GSTO2: variants seen among roughly 807,000 people sequenced by gnomAD.
The protein encoded by GSTO2 is glutathione S-transferase omega-2.
In GSTO2, 23 loss-of-function variants were observed where a neutral mutation model predicts 28.4. The ratio of observed to expected loss-of-function variants is 0.81; its 90% CI spans 0.58 to 1.15. The LOEUF (loss-of-function observed/expected upper bound fraction) is 1.15. Among genes scored for constraint, GSTO2 ranks in the 50% most tolerant of loss-of-function variants. GSTO2 has a pLI of 0.00. For missense variants in GSTO2, 298 were observed against 297.8 expected (o/e 1.00, Z 0.00); for synonymous variants, 109 against 111.0 (o/e 0.98, Z 0.11).
At chr10:104,289,389 C>T (rs2012646337) in intron 5 of GSTO2, among the ~76,000 whole-genome samples, 2 of 152,222 alleles carry the variant, frequency 1.3e-5, no homozygotes, top group Non-Finnish European at 2.9e-5. Context: ...AGCCACCACA[C>T]CCAGCCCTAC....
At chr10:104,296,203 C>G (rs1007779210) in intron 5 of GSTO2, 3 of 152,014 alleles carry the variant, frequency 2.0e-5, no homozygotes, top group Admixed American at 1.3e-4. Flanking sequence ...GATTTACAGT[C>G]CCTCCGGGTT....
chr10:104,269,737 A>G (rs1345107484), intron 1 of GSTO2, among the ~76,000 whole-genome samples: 3 of 152,112 alleles, frequency 2.0e-5, no homozygotes, highest in Non-Finnish European at 4.4e-5. Flanking sequence ...TTGAACACTT[A>G]CTATGTATCA....
intron 5 of GSTO2, among the ~76,000 whole-genome samples, chr10:104,290,128 A>ACC (rs1484707861): frequency 2.6e-5 from 4 of 152,206 alleles, no homozygotes; most frequent in African/African-American, 9.6e-5. Context: ...AGATACCTGG[A>ACC]CCCTTATGTT....
At position 104,293,616 on chromosome 10, in the gene GSTO2, C is replaced by A. The variant is rs189540415; in HGVS notation, c.469-3962C>A. ...AAGGTCTTTCTCTAGAGTGCAGTGG[C>A]ATGTTCACAGCTTAGTGCAGCCTTG... On this transcript the variant is annotated intron_variant, in intron 5 of 6. Coordinates refer to ENST00000338595, the MANE Select transcript of GSTO2 (RefSeq NM_183239.2). Among the ~76,000 whole-genome samples the A allele has an allele frequency of 3.0e-5, 4 of 131,896 alleles. No homozygotes were observed. The East Asian group carries it at 8.6e-4, about 28-fold the overall frequency. The allele number at this position is 131,896 out of a possible 152,430, so 86.5% of individuals were successfully genotyped here. A position where few individuals can be genotyped will look rare whatever the true frequency, so the allele number is the denominator to read the frequency against.
chr10:104,296,628 A>G (rs906357005), intron 5 of GSTO2: 2 of 151,452 alleles, frequency 1.3e-5, no homozygotes, highest in African/African-American at 4.8e-5. Flanking sequence ...AAAAAAAAAA[A>G]AAAAAAAAAA....
intron 3 of GSTO2, 94 bp downstream of exon 3, chr10:104,275,428 C>G: frequency 7.2e-6 from 8 of 1,116,086 alleles, no homozygotes; most frequent in Non-Finnish European, 1.0e-5. Flanking sequence ...TCAGCTTTTA[C>G]AAGGGGCTCC....
intron 5 of GSTO2, among the ~76,000 whole-genome samples, chr10:104,291,902 A>G (rs1355699074): frequency 6.6e-6 from 1 of 152,192 alleles, no homozygotes; most frequent in African/African-American, 2.4e-5. Context: ...GGAAGGTACC[A>G]TGTTTGCATT....
At chr10:104,299,092 C>T (rs2013172070) in intron 6 of GSTO2, 36 bp from the exon 7 acceptor site, 1 of 1,594,080 alleles carries the variant, frequency 6.3e-7, no homozygotes, top group East Asian at 2.2e-5. Context: ...GATGCCTACC[C>T]CTGCACTGTG....
At chr10:104,291,058 GC>G (rs2012742714) in intron 5 of GSTO2, among the ~76,000 whole-genome samples, 1 of 152,196 alleles carries the variant, frequency 6.6e-6, no homozygotes, top group African/African-American at 2.4e-5. Flanking sequence ...AAAGATTTCT[GC>G]CCTGGAGTTG....
intron 5 of GSTO2, chr10:104,295,171 A>G (rs762135458): frequency 1.8e-4 from 27 of 152,226 alleles, no homozygotes; most frequent in Non-Finnish European, 3.8e-4. Context: ...TCTGGAATCC[A>G]TAAAAATGGA....
chr10:104,289,662 A>AC (rs1269463581), intron 5 of GSTO2, among the ~76,000 whole-genome samples: 1 of 152,212 alleles, frequency 6.6e-6, no homozygotes, highest in African/African-American at 2.4e-5. Flanking sequence ...CTGGGTCATC[A>AC]CATGGTTAGC....
chr10:104,297,746 A>G, intron 6 of GSTO2, 62 bp downstream of exon 6: 7 of 1,092,252 alleles, frequency 6.4e-6, no homozygotes, highest in Non-Finnish European at 9.9e-6. Context: ...AATGGTTAAG[A>G]TGGTCTGCAT....
rs745590351 is a variant in GSTO2 at position 104,299,191 on chromosome 10, CTGTG to C, written c.640_643del (p.Cys214LeufsTer13). 1 of 1,614,236 alleles carries C rather than the reference CTGTG, an allele frequency of 6.2e-7. No homozygotes were observed. The highest frequency in any genetic ancestry group is 8.5e-7 in the Non-Finnish European group (1 of 1,180,044). ...CAGCCATGAAGTGGGACCCCACAGT[CTGTG>C]CTCTTCTCATGGATAAGAGCATTTT... On this transcript the variant is annotated frameshift_variant, in exon 7 of 7. Coordinates refer to ENST00000338595, the MANE Select transcript of GSTO2 (RefSeq NM_183239.2). LOFTEE classifies it high-confidence loss of function.
intron 5 of GSTO2, among the ~76,000 whole-genome samples, chr10:104,285,072 CTGCCT>C (rs2012339048): frequency 6.6e-6 from 1 of 152,166 alleles, no homozygotes; most frequent in Non-Finnish European, 1.5e-5. Context: ...ATTCAACCAC[CTGCCT>C]TGGGGTGCTT....
chr10:104,298,854 C>CA (rs928642196), intron 6 of GSTO2, among the ~76,000 whole-genome samples: 93 of 151,594 alleles, frequency 6.1e-4, no homozygotes, highest in African/African-American at 2.2e-3. Flanking sequence ...AAAAACAAAA[C>CA]AAAAAAAATG....
chr10:104,293,985 C>T (rs926812302), intron 5 of GSTO2, among the ~76,000 whole-genome samples: 1 of 152,136 alleles, frequency 6.6e-6, no homozygotes, highest in East Asian at 1.9e-4. Context: ...GCAAGGCTCC[C>T]CTGTCCTTCC....
rs897481378 is a variant in GSTO2 at position 104,274,844 on chromosome 10, C to G, written c.-72C>G. On this transcript the variant is annotated 5_prime_UTR_variant, in exon 2 of 7. Transcript: ENST00000338595. ...CGCCAGAGCGCAGCTGTTTCTGGAG[C>G]CTGCGGCAGCGGTGGCGAGCCACAG... The G allele has an allele frequency of 2.8e-5, 43 of 1,554,116 alleles. No homozygotes were observed. In the Admixed American group the frequency reaches 5.2e-4, roughly 19 times the overall value.
In GSTO2 at chr10:104,302,972, G is replaced by T. The variant is rs917784289; in HGVS notation, c.*3688G>T. ...AAACACTTTTATTTTAAGTTCAGGGGTACATGTGCAGGATGTGCAGGTTCG... is the reference window on the plus strand; with the variant it reads ...AAACACTTTTATTTTAAGTTCAGGGTTACATGTGCAGGATGTGCAGGTTCG... On this transcript the variant is annotated 3_prime_UTR_variant, in exon 7 of 7. Transcript: ENST00000338595. The T allele has an allele frequency of 1.3e-5, 2 of 152,182 alleles. No individual in the cohort carries two copies. Among genetic ancestry groups the T allele is most frequent in the African/African-American group, 4.8e-5 (2 of 41,430 alleles). 9.4% of individuals were successfully genotyped at this position (152,182 alleles called of 1,614,324 possible). A position where few individuals can be genotyped will look rare whatever the true frequency, so the allele number is the denominator to read the frequency against.
chr10:104,294,266 A>G (rs1221997197), intron 5 of GSTO2, among the ~76,000 whole-genome samples: 1 of 152,180 alleles, frequency 6.6e-6, no homozygotes, highest in Admixed American at 6.5e-5. Context: ...TGGTAGAAAT[A>G]AATGGTGAAA....
Sources: allele counts gnomAD v4.1 joint callset (sites outside exome capture counted in the v4.1 genomes callset), GRCh38; gene constraint gnomAD v4.1.1; transcripts MANE v1.5; gene names NCBI Gene and HGNC (gene_info 2026-07-23, HGNC 2026-07-21).